The following ZC3H12B variants were observed in gnomAD, a reference collection of about 807,000 sequenced individuals.
ZC3H12B encodes the protein zinc finger CCCH-type containing 12B.
In ZC3H12B, 7 loss-of-function variants were observed where a neutral mutation model predicts 43.9. That is an observed-to-expected ratio of 0.16 (90% CI 0.09 to 0.30). The LOEUF (loss-of-function observed/expected upper bound fraction) is 0.30. ZC3H12B is among the 10% of genes least tolerant of loss of function. The pLI is 1.00. For synonymous variants in ZC3H12B, 222 were observed against 241.7 expected (o/e 0.92, Z 0.76); for missense variants, 475 against 670.2 (o/e 0.71, Z 3.22).
the ZC3H12B span, among the ~76,000 whole-genome samples, chrX:65,335,233 C>T: frequency 9.0e-6 from 1 of 111,512 alleles, no homozygotes; most frequent in African/African-American, 3.3e-5. Flanking sequence ...AGGATTTTTT[C>T]AAAATGGGGT....
chrX:65,086,957 G>A, the ZC3H12B span, among the ~76,000 whole-genome samples: 1 of 109,937 alleles, frequency 9.1e-6, no homozygotes, highest in Non-Finnish European at 1.9e-5. Context: ...TACTCTGCTT[G>A]GGCTCTAATA....
At chrX:65,074,860 A>G in the ZC3H12B span, among the ~76,000 whole-genome samples, 1 of 111,844 alleles carries the variant, frequency 8.9e-6, no homozygotes, top group Admixed American at 9.4e-5. Flanking sequence ...TTATTTATGT[A>G]TCCTATTGTT....
chrX:65,397,992 A>G (rs1443272240), intron 2 of ZC3H12B, among the ~76,000 whole-genome samples: 4 of 112,171 alleles, frequency 3.6e-5, no homozygotes, highest in Non-Finnish European at 5.6e-5. Context: ...CACATAGAAT[A>G]TTCTGAAAAA....
At chrX:65,368,400 A>T (rs1602327393) in intron 1 of ZC3H12B, among the ~76,000 whole-genome samples, 2 of 112,019 alleles carry the variant, frequency 1.8e-5, no homozygotes, top group African/African-American at 6.5e-5. Flanking sequence ...TCTGTAAATC[A>T]TAGGATATAT....
At chrX:65,481,184 T>G (rs1037201392) in intron 3 of ZC3H12B, among the ~76,000 whole-genome samples, 8 of 111,004 alleles carry the variant, frequency 7.2e-5, no homozygotes, top group African/African-American at 2.6e-4. Flanking sequence ...CCATTTTCAC[T>G]CCCCCTTTCC....
At chrX:65,298,286 C>A in the ZC3H12B span, among the ~76,000 whole-genome samples, 1 of 111,057 alleles carries the variant, frequency 9.0e-6, no homozygotes, top group African/African-American at 3.3e-5. Context: ...ACAAGGAATT[C>A]AAACAAATTA....
At chrX:65,362,466 G>A (rs913624023), upstream of ZC3H12B, among the ~76,000 whole-genome samples, 2 of 110,596 alleles carry the variant, frequency 1.8e-5, no homozygotes, top group East Asian at 5.7e-4. Context: ...TTATTAGGTC[G>A]AGACATTTTG....
At chrX:65,495,368 C>A (rs1022368374) in intron 1 of ZC3H12B, among the ~76,000 whole-genome samples, 1 of 111,259 alleles carries the variant, frequency 9.0e-6, no homozygotes, top group African/African-American at 3.3e-5. Flanking sequence ...ATTGATGAGG[C>A]CCCGGATATT....
At chrX:65,483,709 GAA>G (rs2068091169) in intron 3 of ZC3H12B, among the ~76,000 whole-genome samples, 1 of 112,095 alleles carries the variant, frequency 8.9e-6, no homozygotes, top group Non-Finnish European at 1.9e-5. Flanking sequence ...TACTGTTATC[GAA>G]GTTTTATAAC....
chrX:65,346,906 ACT>A, the ZC3H12B span, among the ~76,000 whole-genome samples: 2 of 112,179 alleles, frequency 1.8e-5, no homozygotes, highest in Non-Finnish European at 3.8e-5. Flanking sequence ...CTGCCTGATG[ACT>A]CTGAAGAGAG....
the ZC3H12B span, among the ~76,000 whole-genome samples, chrX:65,358,210 T>A: frequency 9.0e-6 from 1 of 110,784 alleles, no homozygotes; most frequent in Non-Finnish European, 1.9e-5. Flanking sequence ...GTTCTTAAGA[T>A]CTACAAAAAG....
chrX:65,136,805 A>G, the ZC3H12B span, among the ~76,000 whole-genome samples: 8 of 111,601 alleles, frequency 7.2e-5, no homozygotes, highest in African/African-American at 2.3e-4. Flanking sequence ...TTTGTTTTAT[A>G]TATAATGTTC....
chrX:65,350,762 G>A, the ZC3H12B span, among the ~76,000 whole-genome samples: 1 of 111,581 alleles, frequency 9.0e-6, no homozygotes, highest in Admixed American at 9.5e-5. Context: ...CAACTTACAA[G>A]GGATGTGAAG....
chrX:65,366,273 G>T (rs777108604), upstream of ZC3H12B, among the ~76,000 whole-genome samples: 3 of 110,786 alleles, frequency 2.7e-5, no homozygotes, highest in East Asian at 8.7e-4. Context: ...TTTTCCAAGT[G>T]GTGGAAGTAG....
the ZC3H12B span, among the ~76,000 whole-genome samples, chrX:65,190,201 C>G: frequency 9.1e-6 from 1 of 110,185 alleles, no homozygotes; most frequent in African/African-American, 3.3e-5. Flanking sequence ...GTTACTGTAG[C>G]CTTGTAGTAT....
At chrX:65,418,285 A>G (rs2066982843) in intron 3 of ZC3H12B, among the ~76,000 whole-genome samples, 1 of 111,581 alleles carries the variant, frequency 9.0e-6, no homozygotes, top group Admixed American at 9.5e-5. Context: ...TACAATTCCA[A>G]TGCTCTAATG....
the ZC3H12B span, among the ~76,000 whole-genome samples, chrX:65,234,490 G>C: frequency 8.9e-6 from 1 of 111,878 alleles, no homozygotes; most frequent in African/African-American, 3.2e-5. Context: ...ATTCAACATA[G>C]TATTGAAAGT....
chrX:65,152,244 G>A, the ZC3H12B span, among the ~76,000 whole-genome samples: 100 of 111,452 alleles, frequency 9.0e-4, no homozygotes, highest in South Asian at 0.013. Context: ...CAATTAGGCA[G>A]GAGAAGGAAA....
chrX:65,119,010 T>C, the ZC3H12B span, among the ~76,000 whole-genome samples: 2 of 110,955 alleles, frequency 1.8e-5, no homozygotes, highest in Admixed American at 9.6e-5. Context: ...TAGTATTCCA[T>C]GGTGTATATG....
Sources: allele counts gnomAD v4.1 joint callset (sites outside exome capture counted in the v4.1 genomes callset), GRCh38; gene constraint gnomAD v4.1.1; transcripts MANE v1.5; gene names NCBI Gene and HGNC (gene_info 2026-07-23, HGNC 2026-07-21).